PREX1: variants seen among roughly 807,000 people sequenced by gnomAD.
The protein encoded by PREX1 is phosphatidylinositol 3,4,5-trisphosphate-dependent Rac exchanger 1 protein.
A neutral mutation model predicts 198.3 loss-of-function variants in PREX1; 41 were observed. That is an observed-to-expected ratio of 0.21 (90% CI 0.16 to 0.27). The LOEUF (loss-of-function observed/expected upper bound fraction) is 0.27. Among genes scored for constraint, PREX1 ranks in the 10% least tolerant of loss-of-function variants. The probability of loss-of-function intolerance (pLI) is 1.00; values close to 1 mark genes in which losing one functional copy is unlikely to be tolerated. For missense variants in PREX1, 1,620 were observed against 2,200.7 expected, an observed-to-expected ratio of 0.74 and a Z score of 5.28; for synonymous variants, 843 against 887.2, an observed-to-expected ratio of 0.95 and a Z score of 0.89.
In PREX1 at chr20:48,691,129, G is replaced by T. The variant is rs1735563347; in HGVS notation, c.1037-33C>A. ...GGGCAGGAGGCAAAGGTGCAGCAGA[G>T]ACTCAGCCGCGTGACCTTCAACACT... On this transcript the variant is annotated intron_variant, in intron 8 of 39. Coordinates refer to ENST00000371941, the MANE Select transcript of PREX1 (RefSeq NM_020820.4). This position sits in a 1 kb window ranked among gnomAD's most constrained non-coding sequence, Gnocchi z 5.0. The T allele has an allele frequency of 6.2e-7, 1 of 1,613,748 alleles. No homozygotes were observed. The highest frequency in any genetic ancestry group is 1.3e-5 in the African/African-American group (1 of 74,920).
intron 13 of PREX1, 40 bp from the exon 14 acceptor site, chr20:48,676,308 G>T: frequency 6.3e-7 from 1 of 1,591,464 alleles, no homozygotes; most frequent in Non-Finnish European, 8.6e-7. Flanking sequence ...GGGCAGGGCG[G>T]GGAGGACAGA....
intron 29 of PREX1, 116 bp from the exon 30 acceptor site, chr20:48,640,010 G>A (rs2089396760): frequency 3.7e-6 from 5 of 1,363,712 alleles, no homozygotes; most frequent in South Asian, 2.7e-5. Flanking sequence ...CTAGATCAAG[G>A]GAGCTGGCAG....
Position 48,651,459 on chromosome 20 carries a change from G to T in PREX1, c.2592C>A (p.Gly864=), listed in dbSNP as rs1432252133. 1 of 1,613,930 alleles carries T rather than the reference G, an allele frequency of 6.2e-7. No homozygotes were observed. The highest frequency in any genetic ancestry group is 1.3e-5 in the African/African-American group (1 of 74,946). ...GVVYEYVSTA[G]VRCHVLEKIV... is the part of the protein sequence containing the mutation. ...TCTTCTCCAGCACATGGCACCTGAC[G>T]CCTGCCGTGCTCACATACTCATACA... Residue 864 remains glycine (G), a synonymous_variant, in exon 22 of 40, where the codon GGC becomes GGA. Transcript: ENST00000371941.
At chr20:48,820,302 C>T (rs959264188) in intron 1 of PREX1, among the ~76,000 whole-genome samples, 2 of 152,136 alleles carry the variant, frequency 1.3e-5, no homozygotes, top group African/African-American at 4.8e-5. Flanking sequence ...CACTGTACTC[C>T]CCAGAGTAAC....
At chr20:48,726,534 A>G (rs1488564788) in intron 4 of PREX1, 143 bp from the exon 5 acceptor site, 1 of 635,122 alleles carries the variant, frequency 1.6e-6, no homozygotes, top group Non-Finnish European at 2.8e-6. Context: ...GAAAACGTGC[A>G]TCATCTACAA....
At chr20:48,708,458 C>T (rs944494453) in intron 5 of PREX1, 37 bp from the exon 6 acceptor site, 23 of 1,608,630 alleles carry the variant, frequency 1.4e-5, no homozygotes, top group South Asian at 5.5e-5. Context: ...GAAAGCAAGA[C>T]ATCAATCAAT....
chr20:48,734,662 G>A lies in PREX1; in HGVS notation c.415-12C>T, dbSNP rs2090049256. 6.2e-7 allele frequency: 1 copy of A among 1,611,598 alleles called. No homozygotes were observed. Among genetic ancestry groups the A allele is most frequent in the Non-Finnish European group, 8.5e-7 (1 of 1,178,000 alleles). On this transcript the variant is annotated splice_polypyrimidine_tract_variant and intron_variant, in intron 3 of 39. Coordinates refer to ENST00000371941, the MANE Select transcript of PREX1 (RefSeq NM_020820.4). ...CAGAACTTGTCCTTCTGCAAGACAA[G>A]GACAGAGCCTGTGGGAGGCAGGTCA...
intron 10 of PREX1, among the ~76,000 whole-genome samples, chr20:48,682,962 G>C (rs954599972): frequency 1.3e-5 from 2 of 152,246 alleles, no homozygotes; most frequent in Admixed American, 6.5e-5. Context: ...GACCTGCCTG[G>C]TGTGTAGGTA....
intron 5 of PREX1, among the ~76,000 whole-genome samples, chr20:48,724,486 G>A (rs191415077): frequency 1.3e-5 from 2 of 152,334 alleles, no homozygotes; most frequent in East Asian, 3.9e-4. Context: ...GCTTATGGCT[G>A]CAACGGCTGA....
chr20:48,629,398 G>C (rs367858271), intron 37 of PREX1, 51 bp downstream of exon 37: 3 of 1,591,256 alleles, frequency 1.9e-6, no homozygotes, highest in African/African-American at 2.7e-5. Context: ...AAACTGACCA[G>C]AAGCTAGGCC....
rs995674902 is a variant in PREX1 at position 48,627,718 on chromosome 20, G to A, written c.4870-103C>T. On this transcript the variant is annotated intron_variant, in intron 38 of 39. Transcript: ENST00000371941. ...GGCCCAGAAGCCCAAGGACCCAGAA[G>A]CTAAGATCCTTGCTCCCCTCCAGAT... 20 of 1,440,700 alleles carry A rather than the reference G, an allele frequency of 1.4e-5. No individual in the cohort carries two copies. In the Middle Eastern group the frequency reaches 5.3e-4, roughly 38 times the overall value. 89.2% of individuals were successfully genotyped at this position (1,440,700 alleles called of 1,614,324 possible).
intron 15 of PREX1, among the ~76,000 whole-genome samples, chr20:48,662,218 G>C (rs2089602024): frequency 6.6e-6 from 1 of 152,184 alleles, no homozygotes; most frequent in African/African-American, 2.4e-5. Context: ...CAGGCACCAG[G>C]GGGCCGCTGG....
chr20:48,760,765 C>T (rs944102712), intron 1 of PREX1, among the ~76,000 whole-genome samples: 2 of 152,024 alleles, frequency 1.3e-5, no homozygotes, highest in African/African-American at 2.4e-5. Context: ...CACCAGGCAC[C>T]GAGCTGGGTG....
intron 1 of PREX1, among the ~76,000 whole-genome samples, chr20:48,751,483 G>A (rs1337621528): frequency 6.6e-6 from 1 of 152,192 alleles, no homozygotes; most frequent in African/African-American, 2.4e-5. Context: ...CGGTGTGAAG[G>A]CCACAATGGG....
the PREX1 span, among the ~76,000 whole-genome samples, chr20:48,848,773 G>A: frequency 6.6e-6 from 1 of 152,144 alleles, no homozygotes; most frequent in Non-Finnish European, 1.5e-5. Context: ...GTCTCGCTCT[G>A]TCGCTCAGGC....
the PREX1 span, among the ~76,000 whole-genome samples, chr20:48,873,285 T>C: frequency 6.6e-6 from 1 of 152,198 alleles, no homozygotes; most frequent in Non-Finnish European, 1.5e-5. Context: ...GCAAGTCACA[T>C]GGCCAAGACT....
chr20:48,722,856 G>A (rs1283211125), intron 5 of PREX1, among the ~76,000 whole-genome samples: 3 of 152,268 alleles, frequency 2.0e-5, no homozygotes, highest in African/African-American at 7.2e-5. Flanking sequence ...GCCCGGGTCT[G>A]TCTTGTTCTC....
chr20:48,864,789 T>C, the PREX1 span, among the ~76,000 whole-genome samples: 1 of 152,240 alleles, frequency 6.6e-6, no homozygotes, highest in Non-Finnish European at 1.5e-5. Context: ...ACTTCATTGT[T>C]CTTCGTGGGT....
chr20:48,731,816 G>A (rs1241857630), intron 4 of PREX1, among the ~76,000 whole-genome samples: 1 of 152,216 alleles, frequency 6.6e-6, no homozygotes, highest in Admixed American at 6.5e-5. Context: ...CTAGGAATAG[G>A]GCAGTTTGAC....
Sources: gnomAD v4.1 joint callset for allele counts (sites outside exome capture counted in the v4.1 genomes callset) on GRCh38, gnomAD v4.1.1 for gene constraint, Gnocchi (gnomAD v3.1) non-coding constraint, MANE v1.5 for transcripts, NCBI Gene and HGNC (gene_info 2026-07-23, HGNC 2026-07-21) for gene names.